Variants in YY1 observed in about 807,000 individuals in gnomAD.
The protein encoded by YY1 is YY1 transcription factor, also known as transcriptional repressor protein YY1.
In YY1, 2 loss-of-function variants were observed where a neutral mutation model predicts 35.6. That is an observed-to-expected ratio of 0.06 (90% CI 0.02 to 0.18). The LOEUF (loss-of-function observed/expected upper bound fraction) is 0.18, where lower values mean the gene tolerates loss of function less well. YY1 is among the 10% of genes least tolerant of loss of function. The pLI, the probability that YY1 is intolerant of heterozygous loss-of-function variation, is 1.00. For synonymous variants in YY1, 268 were observed against 238.9 expected (o/e 1.12, Z -1.12); for missense variants, 322 against 573.4 (o/e 0.56, Z 4.48).
In YY1 at chr14:100,259,653, C is replaced by G. The variant is rs1393600564; in HGVS notation, c.680-2651C>G. The stretch of plus-strand genomic sequence containing the variant: ...TAAAATGAACATGCCCTCAAATTCT[C>G]TAGAATTTGAGCTAGACTTTGGAGG... On this transcript the variant is annotated intron_variant, in intron 1 of 4. Transcript: ENST00000262238. Among the ~76,000 whole-genome samples the G allele has an allele frequency of 2.0e-5, 3 of 152,226 alleles. No homozygotes were observed. The East Asian group carries it at 5.8e-4, about 29-fold the overall frequency.
chr14:100,242,736 T>C (rs1890770125), intron 1 of YY1, among the ~76,000 whole-genome samples: 1 of 151,708 alleles, frequency 6.6e-6, no homozygotes, highest in Non-Finnish European at 1.5e-5. Context: ...TTCACGTCCG[T>C]TTCTTTTCTT....
chr14:100,254,940 A>ATTTTTT (rs35165026), intron 1 of YY1, among the ~76,000 whole-genome samples: 1,595 of 29,406 alleles, frequency 0.054, 100 homozygotes, highest in Middle Eastern at 0.1. Flanking sequence ...CGCCCAGCTA[A>ATTTTTT]TTTTTTTTTT....
intron 1 of YY1, among the ~76,000 whole-genome samples, chr14:100,252,071 A>G (rs1438374046): frequency 6.6e-6 from 1 of 152,216 alleles, no homozygotes; most frequent in East Asian, 1.9e-4. Context: ...GAGGAAGGCA[A>G]GAGGGTAAAT....
chr14:100,271,693 A>G (rs947204577), intron 2 of YY1, among the ~76,000 whole-genome samples: 6 of 151,990 alleles, frequency 3.9e-5, no homozygotes, highest in Admixed American at 2.0e-4. Context: ...TTTTGAAACA[A>G]GGTCTCGTTC....
Position 100,271,234 on chromosome 14 carries a change from G to A in YY1, c.843-3464G>A, listed in dbSNP as rs192629932. Among the ~76,000 whole-genome samples, 1,113 of 152,248 alleles carry A rather than the reference G, an allele frequency of 7.3e-3. 14 individuals are homozygous for A. Among genetic ancestry groups the A allele is most frequent in the African/African-American group, 0.026 (1,065 of 41,534 alleles). On this transcript the variant is annotated intron_variant, in intron 2 of 4. Coordinates refer to ENST00000262238, the MANE Select transcript of YY1 (RefSeq NM_003403.5). ...TGCACTCCAGCCTGGGCGACAGAGC[G>A]AGACTCTGCCTCAAAAAATAAATAA...
chr14:100,262,212 T>A, intron 1 of YY1, 92 bp from the exon 2 acceptor site: 1 of 1,350,110 alleles, frequency 7.4e-7, no homozygotes. Context: ...TGGCTATAAA[T>A]CACCCCATTT....
chr14:100,267,141 A>T (rs914124181), intron 2 of YY1, among the ~76,000 whole-genome samples: 1 of 152,142 alleles, frequency 6.6e-6, no homozygotes, highest in Non-Finnish European at 1.5e-5. Flanking sequence ...AGAAAAGGCA[A>T]TCGGAAACTC....
intron 1 of YY1, among the ~76,000 whole-genome samples, chr14:100,244,320 C>CTT (rs869125410): frequency 6.1e-4 from 55 of 89,690 alleles, no homozygotes; most frequent in African/African-American, 2.4e-3. Flanking sequence ...TCCTTTTTTA[C>CTT]TTTTTTTTTT....
At chr14:100,248,465 T>C (rs1489953068) in intron 1 of YY1, among the ~76,000 whole-genome samples, 3 of 152,014 alleles carry the variant, frequency 2.0e-5, no homozygotes, top group Non-Finnish European at 4.4e-5. Flanking sequence ...TAACATGACC[T>C]GGCAAATGAG....
At chr14:100,270,443 T>G (rs1008528149) in intron 2 of YY1, among the ~76,000 whole-genome samples, 15 of 122,836 alleles carry the variant, frequency 1.2e-4, no homozygotes. Context: ...AAACCCCGTC[T>G]CTACTAAAAA....
At chr14:100,241,819 T>C (rs1443802029) in intron 1 of YY1, among the ~76,000 whole-genome samples, 2 of 151,934 alleles carry the variant, frequency 1.3e-5, no homozygotes, top group Admixed American at 6.6e-5. Context: ...ACTAAAAATA[T>C]AAAAATTAGC....
rs1397037345 is a variant in YY1, at chr14:100,280,909, G to A, written c.*3309G>A. 2.0e-5 allele frequency: 3 copies of A among 151,852 alleles called. No homozygotes were observed. Among genetic ancestry groups the A allele is most frequent in the Admixed American group, 6.6e-5 (1 of 15,252 alleles). The allele number at this position is 151,852 out of a possible 1,614,324, so 9.4% of individuals were successfully genotyped here. On this transcript the variant is annotated 3_prime_UTR_variant, in exon 5 of 5. Transcript: ENST00000262238. The stretch of plus-strand genomic sequence containing the variant: ...CAGAGTTTGTGGCACAGGAAAACCT[G>A]GCCCCCTAAAAAGAAGTTTTGGAAT...
At position 100,281,818 on chromosome 14, in the gene YY1, C is replaced by T. The variant is rs1891437586; in HGVS notation, c.*4218C>T. ...GAAGATGGTTTAAGTGCAGGCCCTTCAGACAAGTCACGTCAGGCAAGAGAG... is the reference window on the plus strand; with the variant it reads ...GAAGATGGTTTAAGTGCAGGCCCTTTAGACAAGTCACGTCAGGCAAGAGAG... On this transcript the variant is annotated 3_prime_UTR_variant, in exon 5 of 5. Transcript: ENST00000262238. The T allele has an allele frequency of 6.6e-6, 1 of 152,206 alleles. No individual in the cohort carries two copies. The highest frequency in any genetic ancestry group is 1.5e-5 in the Non-Finnish European group (1 of 68,042). The allele number at this position is 152,206 out of a possible 1,614,324, so 9.4% of individuals were successfully genotyped here.
chr14:100,277,348 A>AGT lies in YY1; in HGVS notation c.1063-68_1063-67dup, dbSNP rs1168289282. The AGT allele has an allele frequency of 7.7e-6, 12 of 1,553,398 alleles. No homozygotes were observed. The highest frequency in any genetic ancestry group is 1.1e-5 in the Non-Finnish European group (12 of 1,125,258). ...TAAATAGGCTGTTCTCTAGCAAAGC[A>AGT]GTGAGCTCCTGACTCCCAGGGTCTG... On this transcript the variant is annotated intron_variant, in intron 4 of 4. Coordinates refer to ENST00000262238, the MANE Select transcript of YY1 (RefSeq NM_003403.5). The surrounding 1 kb of genome is among the most constrained non-coding windows in gnomAD (Gnocchi z 5.6).
At chr14:100,267,716 G>T (rs1228692879) in intron 2 of YY1, among the ~76,000 whole-genome samples, 2 of 152,146 alleles carry the variant, frequency 1.3e-5, no homozygotes, top group Non-Finnish European at 2.9e-5. Flanking sequence ...TAGAGACAGG[G>T]TTTCACCATG....
intron 1 of YY1, among the ~76,000 whole-genome samples, chr14:100,249,729 C>G (rs1232798863): frequency 4.7e-5 from 7 of 149,742 alleles, no homozygotes; most frequent in Non-Finnish European, 1.0e-4. Context: ...CAATTCAAAT[C>G]TCAGATTTGC....
chr14:100,267,272 A>G (rs1006635127), intron 2 of YY1, among the ~76,000 whole-genome samples: 44 of 152,188 alleles, frequency 2.9e-4, no homozygotes, highest in African/African-American at 1.0e-3. Context: ...TTCTCCTTGC[A>G]GCTCCTATGT....
rs1372742241 is a variant in YY1, at chr14:100,276,670, C to T, written c.1062+22C>T. Reference sequence around the variant, plus strand: ...TCAGGTAGAGCCAGTTCCCTCTCTTCCCCACACTGCCTTGCCTGTCTGAAC... The same window carrying T: ...TCAGGTAGAGCCAGTTCCCTCTCTTTCCCACACTGCCTTGCCTGTCTGAAC... On this transcript the variant is annotated intron_variant, in intron 4 of 4. Transcript: ENST00000262238. This position sits in a 1 kb window ranked among gnomAD's most constrained non-coding sequence, Gnocchi z 4.1. The T allele has an allele frequency of 6.2e-7, 1 of 1,614,008 alleles. No homozygotes were observed. Among genetic ancestry groups the T allele is most frequent in the Admixed American group, 1.7e-5 (1 of 60,028 alleles).
At chr14:100,274,610 G>A (rs1891293857) in intron 2 of YY1, 88 bp from the exon 3 acceptor site, 2 of 1,196,242 alleles carry the variant, frequency 1.7e-6, no homozygotes, top group South Asian at 1.3e-5. Context: ...GTACCTATAA[G>A]GAAAGCATTT....
Sources: gnomAD v4.1 joint callset for allele counts (sites outside exome capture counted in the v4.1 genomes callset) on GRCh38, gnomAD v4.1.1 for gene constraint, Gnocchi (gnomAD v3.1) non-coding constraint, MANE v1.5 for transcripts, NCBI Gene and HGNC (gene_info 2026-07-23, HGNC 2026-07-21) for gene names.